The following MYO10 variants were observed in gnomAD, a reference collection of about 807,000 sequenced individuals.
The protein encoded by MYO10 is myosin X, also known as unconventional myosin-X.
MYO10 carries 133 observed loss-of-function variants against 257.3 expected under a neutral mutation model. The ratio of observed to expected loss-of-function variants is 0.52; its 90% CI spans 0.45 to 0.60. The LOEUF is 0.60. Among genes scored for constraint, MYO10 ranks in the 20% least tolerant of loss-of-function variants. The pLI, the probability that MYO10 is intolerant of heterozygous loss-of-function variation, is 0.00. For missense variants in MYO10, 2,399 were observed against 2,635.7 expected (o/e 0.91, Z 1.97); for synonymous variants, 1,104 against 1,028.6 (o/e 1.07, Z -1.40).
chr5:16,821,717 C>T (rs182804482), intron 2 of MYO10, among the ~76,000 whole-genome samples: 7 of 151,958 alleles, frequency 4.6e-5, no homozygotes, highest in East Asian at 3.9e-4. Flanking sequence ...CCACCTGCCT[C>T]GGCCTCCCAA....
chr5:16,763,137 TA>T (rs1195717704), intron 14 of MYO10, among the ~76,000 whole-genome samples: 2 of 151,538 alleles, frequency 1.3e-5, no homozygotes, highest in Admixed American at 6.6e-5. Context: ...ATATAAATCT[TA>T]AAAAAAAATT....
At chr5:16,696,114 A>G (rs1016819294) in intron 26 of MYO10, among the ~76,000 whole-genome samples, 1 of 152,222 alleles carries the variant, frequency 6.6e-6, no homozygotes, top group African/African-American at 2.4e-5. Flanking sequence ...AAAGATTAGA[A>G]GAGTCATCAC....
chr5:16,672,418 TC>T (rs1311471346), intron 37 of MYO10, among the ~76,000 whole-genome samples: 1 of 134,974 alleles, frequency 7.4e-6, no homozygotes, highest in Non-Finnish European at 1.7e-5. Flanking sequence ...ACCTAAAAAA[TC>T]AAGAAATACC....
chr5:16,933,538 T>C (rs1746351186), intron 1 of MYO10, among the ~76,000 whole-genome samples: 1 of 152,210 alleles, frequency 6.6e-6, no homozygotes, highest in Non-Finnish European at 1.5e-5. Flanking sequence ...TGGGAAAAGT[T>C]AGCAAAGACA....
intron 2 of MYO10, among the ~76,000 whole-genome samples, chr5:16,866,665 T>C (rs1744260269): frequency 6.6e-6 from 1 of 152,012 alleles, no homozygotes; most frequent in Non-Finnish European, 1.5e-5. Flanking sequence ...GTCTCCACTT[T>C]ATGATGAAGA....
rs756890679 is a variant in MYO10, at chr5:16,818,147, G to A, written c.141C>T (p.Ser47=). Residue 47 remains serine, a synonymous_variant, in exon 3 of 41, where the codon AGC becomes AGT. Transcript: ENST00000513610. ...DYGQVFTYKQ[S]TITHQKVTAM... ...CAGTCACCTTCTGGTGGGTAATTGT[G>A]CTCTGCTTGTAAGTGAATACCTGAG... 6.3e-7 allele frequency: 1 copy of A among 1,593,994 alleles called. No homozygotes were observed. The highest frequency in any genetic ancestry group is 1.1e-5 in the South Asian group (1 of 88,484).
At chr5:16,808,628 G>C (rs1742343667) in intron 3 of MYO10, among the ~76,000 whole-genome samples, 1 of 152,100 alleles carries the variant, frequency 6.6e-6, no homozygotes, top group Non-Finnish European at 1.5e-5. Context: ...TCACCTGAGT[G>C]ACTTTCTGAC....
In MYO10 at chr5:16,758,211, G is replaced by A. The variant is rs376108209; in HGVS notation, c.1755C>T (p.Tyr585=). ...GGCTTGAAACATGTTCAAAAAGATC[G>A]TAGATAAAGTCAAATCTGTGTGAGG... ...LLRESRFDFI[Y]DLFEHVSSRN... Residue 585 remains tyrosine (Y), a synonymous_variant, in exon 18 of 41, where the codon TAC becomes TAT. Coordinates refer to ENST00000513610, the MANE Select transcript of MYO10 (RefSeq NM_012334.3). 112 of 1,610,824 alleles carry A rather than the reference G, an allele frequency of 7.0e-5. No individual in the cohort carries two copies. Among genetic ancestry groups the A allele is most frequent in the South Asian group, 3.3e-4 (30 of 91,054 alleles).
In MYO10 at chr5:16,662,924, G is replaced by A. The variant is rs1325065848; in HGVS notation, c.*3768C>T. ...ATGATTGTGAGGCCTCCCCAGGCAT[G>A]TGAGACTGAGTCCATTCAACTTCTT... On this transcript the variant is annotated 3_prime_UTR_variant, in exon 41 of 41. Coordinates refer to ENST00000513610, the MANE Select transcript of MYO10 (RefSeq NM_012334.3). 1 of 152,140 alleles carries A rather than the reference G, an allele frequency of 6.6e-6. No homozygotes were observed. The highest frequency in any genetic ancestry group is 1.5e-5 in the Non-Finnish European group (1 of 68,046). 9.4% of individuals were successfully genotyped at this position (152,140 alleles called of 1,614,324 possible).
At chr5:16,741,308 A>G in intron 19 of MYO10, among the ~76,000 whole-genome samples, 1 of 152,234 alleles carries the variant, frequency 6.6e-6, no homozygotes. Context: ...TTCAACTCCG[A>G]TAACATCTCA....
At chr5:16,898,348 T>TA (rs1745271199) in intron 1 of MYO10, among the ~76,000 whole-genome samples, 1 of 151,568 alleles carries the variant, frequency 6.6e-6, no homozygotes, top group African/African-American at 2.4e-5. Context: ...AATGTCATCA[T>TA]AAAAAAACAC....
intron 2 of MYO10, among the ~76,000 whole-genome samples, chr5:16,832,270 C>G (rs1224804220): frequency 6.6e-6 from 1 of 152,168 alleles, no homozygotes; most frequent in Non-Finnish European, 1.5e-5. Flanking sequence ...TTTTCTATGA[C>G]TCTTTCCCTG....
intron 4 of MYO10, among the ~76,000 whole-genome samples, chr5:16,786,715 A>G (rs1741591882): frequency 6.6e-6 from 1 of 152,134 alleles, no homozygotes; most frequent in Admixed American, 6.5e-5. Flanking sequence ...AGCATTTTGG[A>G]TAAGGGATAC....
rs1736009524 is a variant in MYO10, at chr5:16,662,229, T to C, written c.*4463A>G. On this transcript the variant is annotated 3_prime_UTR_variant, in exon 41 of 41. Coordinates refer to ENST00000513610, the MANE Select transcript of MYO10 (RefSeq NM_012334.3). ...AATACACACAAATACAGAACTTTAC[T>C]ATAGCAGATTTTTGACCCCAATTTA... 1 of 151,684 alleles carries C rather than the reference T, an allele frequency of 6.6e-6. No individual in the cohort carries two copies. The highest frequency in any genetic ancestry group is 6.6e-5 in the Admixed American group (1 of 15,212). 9.4% of individuals were successfully genotyped at this position (151,684 alleles called of 1,614,324 possible). A position where few individuals can be genotyped will look rare whatever the true frequency, so the allele number is the denominator to read the frequency against.
intron 4 of MYO10, among the ~76,000 whole-genome samples, chr5:16,783,800 C>T (rs1212961113): frequency 1.3e-5 from 2 of 152,154 alleles, no homozygotes; most frequent in East Asian, 3.9e-4. Flanking sequence ...CTAGTTCATC[C>T]CAAACACCTC....
rs11954209 is a variant in MYO10, at chr5:16,699,352, A to G, written c.3556+98T>C. ...GTCCCCATCCATCAGCCCAGATACAATAACACCTCCGTTATTTCCCACCGC... is the reference window on the plus strand; with the variant it reads ...GTCCCCATCCATCAGCCCAGATACAGTAACACCTCCGTTATTTCCCACCGC... On this transcript the variant is annotated intron_variant, in intron 26 of 40. Coordinates refer to ENST00000513610, the MANE Select transcript of MYO10 (RefSeq NM_012334.3). The G allele has an allele frequency of 1.7e-3, 2,467 of 1,469,234 alleles. 33 individuals carry two copies. In the African/African-American group the frequency reaches 0.028, roughly 17 times the overall value. 91.0% of individuals were successfully genotyped at this position (1,469,234 alleles called of 1,614,324 possible). A position where few individuals can be genotyped will look rare whatever the true frequency, so the allele number is the denominator to read the frequency against.
intron 35 of MYO10, 70 bp from the exon 36 acceptor site, chr5:16,673,959 G>C (rs1736600252): frequency 2.1e-6 from 3 of 1,423,376 alleles, no homozygotes; most frequent in Non-Finnish European, 2.0e-6. Context: ...ACTAGGCTGT[G>C]CCAAGGTTCT....
Position 16,912,845 on chromosome 5 carries a change from C to CAT in MYO10, c.21+22942_21+22943insAT, listed in dbSNP as rs1259160975. ...ACACACACACACACACACACACACA[C>CAT]ACACCATGGTACCTCCAAGATTGAA... On this transcript the variant is annotated intron_variant, in intron 1 of 40. Coordinates refer to ENST00000513610, the MANE Select transcript of MYO10 (RefSeq NM_012334.3). Among the ~76,000 whole-genome samples the CAT allele has an allele frequency of 3.7e-3, 561 of 150,648 alleles. 4 individuals are homozygous for CAT. The highest frequency in any genetic ancestry group is 0.013 in the African/African-American group (530 of 40,844).
chr5:16,685,602 C>T, intron 29 of MYO10, 136 bp downstream of exon 29: 2 of 643,304 alleles, frequency 3.1e-6, no homozygotes, highest in South Asian at 2.0e-5. Flanking sequence ...CTGTTTTTCT[C>T]CTTAATTATT....
Sources: allele counts gnomAD v4.1 joint callset (sites outside exome capture counted in the v4.1 genomes callset), GRCh38; gene constraint gnomAD v4.1.1; transcripts MANE v1.5; gene names NCBI Gene and HGNC (gene_info 2026-07-23, HGNC 2026-07-21).